The following EYS variants were observed in gnomAD, a reference collection of about 807,000 sequenced individuals.
EYS encodes the protein EGF-like photoreceptor maintenance factor.
A neutral mutation model predicts 282.1 loss-of-function variants in EYS; 250 were observed. The ratio of observed to expected loss-of-function variants is 0.89; its 90% confidence interval spans 0.80 to 0.98. The LOEUF (loss-of-function observed/expected upper bound fraction) is 0.98, where lower values mean the gene tolerates loss of function less well. Among genes scored for constraint, EYS ranks in the 50% least tolerant of loss-of-function variants. The pLI is 0.00. For synonymous variants in EYS, 1,355 were observed against 1,282.9 expected (o/e 1.06, Z -1.20); for missense variants, 4,016 against 3,709.0 (o/e 1.08, Z -2.15).
At chr6:65,243,898 C>A (rs1767115503) in intron 12 of EYS, among the ~76,000 whole-genome samples, 1 of 152,128 alleles carries the variant, frequency 6.6e-6, no homozygotes, top group Non-Finnish European at 1.5e-5. Flanking sequence ...GACTAAGAAT[C>A]TGTTTCAAAG....
At chr6:64,539,556 G>A (rs115900747) in intron 26 of EYS, among the ~76,000 whole-genome samples, 1 of 152,232 alleles carries the variant, frequency 6.6e-6, no homozygotes, top group African/African-American at 2.4e-5. Context: ...GGGCAACTGA[G>A]TGAGACCCTG....
intron 26 of EYS, among the ~76,000 whole-genome samples, chr6:64,452,113 C>T (rs534926113): frequency 3.3e-5 from 5 of 152,200 alleles, no homozygotes; most frequent in South Asian, 2.1e-4. Flanking sequence ...GAAAACCCCT[C>T]GTCTCAGCCC....
intron 12 of EYS, among the ~76,000 whole-genome samples, chr6:65,106,279 T>A (rs185799669): frequency 6.6e-6 from 1 of 152,138 alleles, no homozygotes; most frequent in African/African-American, 2.4e-5. Context: ...ACAATACATA[T>A]ATTATAAAAA....
intron 35 of EYS, among the ~76,000 whole-genome samples, chr6:63,957,666 T>C (rs1562116612): frequency 7.1e-6 from 1 of 140,672 alleles, no homozygotes; most frequent in African/African-American, 2.4e-5. Context: ...CGCCTAAAAG[T>C]TAAAGAAAAA....
chr6:65,364,478 T>C (rs1417541616), intron 8 of EYS, among the ~76,000 whole-genome samples: 7 of 151,636 alleles, frequency 4.6e-5, no homozygotes, highest in African/African-American at 1.2e-4. Flanking sequence ...ATTACAGATA[T>C]GCACTTCAGA....
At chr6:65,376,539 A>G (rs1417428914) in intron 8 of EYS, among the ~76,000 whole-genome samples, 1 of 152,212 alleles carries the variant, frequency 6.6e-6, no homozygotes, top group Non-Finnish European at 1.5e-5. Context: ...TTAACATTAA[A>G]TGTAAATGGG....
chr6:65,406,965 T>C (rs546796810), intron 5 of EYS, among the ~76,000 whole-genome samples: 1 of 152,258 alleles, frequency 6.6e-6, no homozygotes, highest in South Asian at 2.1e-4. Context: ...TAGTTTCCTA[T>C]AAATTTTTCT....
intron 33 of EYS, among the ~76,000 whole-genome samples, chr6:64,055,566 C>T (rs929869149): frequency 1.3e-5 from 2 of 152,018 alleles, no homozygotes; most frequent in East Asian, 3.9e-4. Context: ...TATAAAGATT[C>T]CTTCTTTTGT....
chr6:64,414,801 C>A (rs1774013103), intron 28 of EYS, among the ~76,000 whole-genome samples: 1 of 152,068 alleles, frequency 6.6e-6, no homozygotes, highest in African/African-American at 2.4e-5. Context: ...GCAAAACAAT[C>A]AGGGTTGATG....
intron 36 of EYS, among the ~76,000 whole-genome samples, chr6:63,816,809 A>G (rs924518770): frequency 1.3e-5 from 2 of 152,224 alleles, no homozygotes; most frequent in Non-Finnish European, 2.9e-5. Flanking sequence ...CGTAATACCC[A>G]ATAAATGTTT....
At chr6:65,373,484 G>A (rs767138495) in intron 8 of EYS, among the ~76,000 whole-genome samples, 1 of 151,892 alleles carries the variant, frequency 6.6e-6, no homozygotes, top group Non-Finnish European at 1.5e-5. Flanking sequence ...ACTCTGGGAG[G>A]TAAAATCAAT....
intron 8 of EYS, among the ~76,000 whole-genome samples, chr6:65,374,575 G>A (rs1329577514): frequency 6.6e-6 from 1 of 150,682 alleles, no homozygotes; most frequent in African/African-American, 2.4e-5. Flanking sequence ...CCTGGAAAGT[G>A]GGCTGAAGCC....
chr6:64,292,863 A>G (rs966281367), intron 30 of EYS, among the ~76,000 whole-genome samples: 3 of 152,056 alleles, frequency 2.0e-5, no homozygotes, highest in Non-Finnish European at 4.4e-5. Context: ...ATCATGCAAT[A>G]CTCTGTGGTC....
intron 2 of EYS, among the ~76,000 whole-genome samples, chr6:65,632,922 C>A (rs1487295848): frequency 6.6e-6 from 1 of 151,838 alleles, no homozygotes; most frequent in African/African-American, 2.4e-5. Flanking sequence ...AGGACCATAA[C>A]TGAGGGCCCT....
intron 22 of EYS, among the ~76,000 whole-genome samples, chr6:64,719,104 G>A (rs762788012): frequency 4.6e-5 from 7 of 152,128 alleles, no homozygotes; most frequent in South Asian, 2.1e-4. Context: ...AGATGAAGGC[G>A]GGCAAGTGAT....
At chr6:65,299,692 C>T (rs1768763986) in intron 11 of EYS, among the ~76,000 whole-genome samples, 2 of 151,882 alleles carry the variant, frequency 1.3e-5, no homozygotes, top group Admixed American at 6.6e-5. Context: ...AGTGCGTTTC[C>T]ATTTCTAACT....
chr6:65,177,582 C>T (rs1048755934), intron 12 of EYS, among the ~76,000 whole-genome samples: 2 of 151,784 alleles, frequency 1.3e-5, no homozygotes, highest in African/African-American at 4.8e-5. Context: ...CTTTCCAATT[C>T]AGTATCTGTG....
At chr6:64,474,081 G>T (rs894349170) in intron 26 of EYS, among the ~76,000 whole-genome samples, 2 of 152,006 alleles carry the variant, frequency 1.3e-5, no homozygotes, top group Non-Finnish European at 2.9e-5. Context: ...TTGATCATCT[G>T]AACCTTCCCT....
intron 22 of EYS, among the ~76,000 whole-genome samples, chr6:64,735,799 A>G (rs1583096717): frequency 6.6e-6 from 1 of 152,104 alleles, no homozygotes; most frequent in Admixed American, 6.5e-5. Flanking sequence ...GCAATTTACT[A>G]ATGTGTATAA....
Sources: gnomAD v4.1 joint callset for allele counts (sites outside exome capture counted in the v4.1 genomes callset) on GRCh38, gnomAD v4.1.1 for gene constraint, MANE v1.5 for transcripts, NCBI Gene and HGNC (gene_info 2026-07-23, HGNC 2026-07-21) for gene names.